The following OTOG variants were observed in gnomAD, a reference collection of about 807,000 sequenced individuals.
The protein encoded by OTOG is otogelin.
OTOG carries 296 observed loss-of-function variants against 313.8 expected under a neutral mutation model. The ratio of observed to expected loss-of-function variants is 0.94; its 90% CI spans 0.86 to 1.04. The LOEUF is 1.04. OTOG is among the 50% of genes least tolerant of loss of function. The pLI is 0.00. For missense variants in OTOG, 3,948 were observed against 3,840.1 expected (o/e 1.03, Z -0.74); for synonymous variants, 1,533 against 1,554.9 (o/e 0.99, Z 0.33).
At chr11:17,603,275 A>G (rs578261947) in intron 32 of OTOG, among the ~76,000 whole-genome samples, 1 of 152,142 alleles carries the variant, frequency 6.6e-6, no homozygotes, top group South Asian at 2.1e-4. Flanking sequence ...CACCACCCCC[A>G]AAGACAGCAC....
chr11:17,594,207 G>T, intron 28 of OTOG, 41 bp downstream of exon 28: 1 of 1,550,352 alleles, frequency 6.5e-7, no homozygotes, highest in Non-Finnish European at 8.7e-7. Context: ...CCCTCACTCA[G>T]ATGGGCGCTG....
In OTOG at chr11:17,642,924, A is replaced by G. The variant is rs190074063; in HGVS notation, c.8416-537A>G. Among the ~76,000 whole-genome samples the G allele has an allele frequency of 1.2e-3, 181 of 152,302 alleles. 2 individuals carry two copies. The highest frequency in any genetic ancestry group is 2.9e-3 in the Admixed American group (44 of 15,302). On this transcript the variant is annotated intron_variant, in intron 53 of 55. Coordinates refer to ENST00000399397, the MANE Select transcript of OTOG (RefSeq NM_001292063.2). ...TGTATGTGCTCACAAAATCACACAC[A>G]CATACTGAGACCTGCCCCCCAACAC...
chr11:17,600,797 T>C (rs1853231503), intron 31 of OTOG, among the ~76,000 whole-genome samples: 1 of 152,224 alleles, frequency 6.6e-6, no homozygotes, highest in East Asian at 1.9e-4. Flanking sequence ...CTCTCTTCCA[T>C]GGCATTTTGG....
At position 17,547,955 on chromosome 11, in the gene OTOG, A is replaced by G; in HGVS notation, c.123A>G (p.Ala41=). The part of the protein sequence containing the change: ...LAAAPVLWGS[A]EPQPEPAGQP... ...CAGCACCCGTTCTGTGGGGCAGTGC[A>G]GAGCCACAGCCAGAGCCAGCCGGGC... The change falls in exon 2 of 56, where the codon GCA becomes GCG. Residue 41 remains alanine, a synonymous_variant. Coordinates refer to ENST00000399397, the MANE Select transcript of OTOG (RefSeq NM_001292063.2). The G allele has an allele frequency of 1.9e-6, 1 of 525,472 alleles. No individual in the cohort carries two copies. Among genetic ancestry groups the G allele is most frequent in the Non-Finnish European group, 3.3e-6 (1 of 303,396 alleles). The allele number at this position is 525,472 out of a possible 1,614,324, so 32.6% of individuals were successfully genotyped here.
chr11:17,602,507 C>T, intron 32 of OTOG, 130 bp downstream of exon 32: 3 of 1,071,120 alleles, frequency 2.8e-6, no homozygotes, highest in Non-Finnish European at 3.9e-6. Context: ...GCCCCTCTCC[C>T]AGTTGAGATG....
At position 17,560,716 on chromosome 11, in the gene OTOG, C is replaced by T; in HGVS notation, c.1350C>T (p.Ile450=). Residue 450 remains isoleucine, a synonymous_variant, in exon 13 of 56, where the codon ATC becomes ATT. Coordinates refer to ENST00000399397, the MANE Select transcript of OTOG (RefSeq NM_001292063.2). The stretch of plus-strand genomic sequence containing the variant: ...CCTTTGCTGTCACTCTAGGGCTCAT[C>T]TTCGAGGATGGGGGCTGCGTGGCAC... ...VDGCYCPNGL[I]FEDGGCVAPA... is the part of the protein sequence containing the mutation. The T allele has an allele frequency of 6.4e-7, 1 of 1,550,450 alleles. No individual in the cohort carries two copies. Among genetic ancestry groups the T allele is most frequent in the Non-Finnish European group, 8.7e-7 (1 of 1,146,852 alleles).
In OTOG at chr11:17,611,425, T is replaced by C; in HGVS notation, c.6123+2T>C. On this transcript the variant is annotated splice_donor_variant, in intron 36 of 55. Transcript: ENST00000399397. LOFTEE classifies it high-confidence loss of function. ...GCCAATACATCCACCACCTGTGTTG[T>C]GAGTGATTTGCCAGGGTTCTGGCCA... 1 of 1,507,724 alleles carries C rather than the reference T, an allele frequency of 6.6e-7. No homozygotes were observed. The highest frequency in any genetic ancestry group is 1.3e-5 in the South Asian group (1 of 78,746). 93.4% of individuals were successfully genotyped at this position (1,507,724 alleles called of 1,614,324 possible).
chr11:17,611,394 ACT>A lies in OTOG; in HGVS notation c.6095_6096del (p.Thr2032ArgfsTer73). 1 of 1,536,904 alleles carries A rather than the reference ACT, an allele frequency of 6.5e-7. No individual in the cohort carries two copies. Among genetic ancestry groups the A allele is most frequent in the South Asian group, 1.2e-5 (1 of 82,948 alleles). On this transcript the variant is annotated frameshift_variant, in exon 36 of 56. Coordinates refer to ENST00000399397, the MANE Select transcript of OTOG (RefSeq NM_001292063.2). LOFTEE classifies it high-confidence loss of function. ...EGLAEALATT[T>X]EANTSTTCVP... The stretch of plus-strand genomic sequence containing the variant: ...TTTGGCGGAGGCTTTGGCAACTACC[ACT>A]GAGGCCAATACATCCACCACCTGTG...
chr11:17,577,499 T>C (rs957308071), intron 22 of OTOG, among the ~76,000 whole-genome samples: 4 of 152,080 alleles, frequency 2.6e-5, no homozygotes, highest in African/African-American at 9.7e-5. Context: ...AGTAGGTGGT[T>C]AGGAGCAGGG....
chr11:17,624,634 G>A (rs944948891), intron 39 of OTOG, among the ~76,000 whole-genome samples: 2 of 152,000 alleles, frequency 1.3e-5, no homozygotes, highest in Non-Finnish European at 2.9e-5. Flanking sequence ...TTGGCTATTC[G>A]GGCTCATTTT....
intron 24 of OTOG, among the ~76,000 whole-genome samples, chr11:17,587,903 A>G (rs185262067): frequency 4.6e-4 from 70 of 152,182 alleles, no homozygotes; most frequent in African/African-American, 1.7e-3. Context: ...AGGCCCTGAG[A>G]TGGATTCACT....
chr11:17,597,191 CT>C (rs1262700220), intron 30 of OTOG, among the ~76,000 whole-genome samples, 184 bp downstream of exon 30: 1 of 152,160 alleles, frequency 6.6e-6, no homozygotes, highest in Non-Finnish European at 1.5e-5. Context: ...TATATATTTC[CT>C]ATTTTACAGT....
At chr11:17,638,624 G>A (rs1847903360) in intron 48 of OTOG, 75 bp downstream of exon 48, 2 of 1,501,876 alleles carry the variant, frequency 1.3e-6, no homozygotes, top group African/African-American at 2.8e-5. Context: ...AGGGAGCCCG[G>A]CCTACCACCG....
chr11:17,577,916 G>A lies in OTOG; in HGVS notation c.2606-457G>A, dbSNP rs911481160. Among the ~76,000 whole-genome samples the A allele has an allele frequency of 1.5e-4, 23 of 151,040 alleles. 1 individual carries two copies. Among genetic ancestry groups the A allele is most frequent in the Admixed American group, 7.9e-4 (12 of 15,234 alleles). ...TGGTAACAGGACCGTGACTCTCCTT[G>A]TCATTCAGAGTCCTCTGGCCCCCTG... On this transcript the variant is annotated intron_variant, in intron 22 of 55. Transcript: ENST00000399397.
At chr11:17,592,208 A>T (rs1344800044) in intron 25 of OTOG, among the ~76,000 whole-genome samples, 2 of 152,276 alleles carry the variant, frequency 1.3e-5, no homozygotes, top group African/African-American at 4.8e-5. Flanking sequence ...GTGGTGGAGG[A>T]GTGTCACCCA....
intron 15 of OTOG, among the ~76,000 whole-genome samples, chr11:17,562,934 G>A (rs1268359748): frequency 3.3e-5 from 5 of 152,182 alleles, no homozygotes; most frequent in African/African-American, 1.2e-4. Context: ...TGGTGGGCAA[G>A]GCAGGCAAGT....
intron 22 of OTOG, 37 bp from the exon 23 acceptor site, chr11:17,578,336 G>T (rs775569976): frequency 6.9e-7 from 1 of 1,443,962 alleles, no homozygotes; most frequent in Non-Finnish European, 9.1e-7. Context: ...CCATACTGAG[G>T]CCCCAGGGCC....
At chr11:17,576,666 T>C (rs1051425839) in intron 21 of OTOG, 36 bp downstream of exon 21, 1 of 1,522,008 alleles carries the variant, frequency 6.6e-7, no homozygotes, top group Admixed American at 2.0e-5. Context: ...TTGTCCTCTC[T>C]TTAAAGGGAG....
At position 17,548,180 on chromosome 11, in the gene OTOG, A is replaced by G; in HGVS notation, c.184A>G (p.Met62Val). The change falls in exon 3 of 56, where the codon ATG (methionine) becomes GTG (valine). Residue 62 changes from methionine to valine, a missense_variant. By Grantham distance (21) the Met-to-Val change is conservative. Coordinates refer to ENST00000399397, the MANE Select transcript of OTOG (RefSeq NM_001292063.2). ...CAGCCACCAGGAGGCGACCCTTGCC[A>G]TGGGGGACAAGGCTACAGTCGTGGG... ...SSSHQEATLA[M>V]GDKATVVGGQ... 1 of 1,548,002 alleles carries G rather than the reference A, an allele frequency of 6.5e-7. No homozygotes were observed.
Sources: allele counts gnomAD v4.1 joint callset (sites outside exome capture counted in the v4.1 genomes callset), GRCh38; gene constraint gnomAD v4.1.1; transcripts MANE v1.5; gene names NCBI Gene and HGNC (gene_info 2026-07-23, HGNC 2026-07-21).